The following ZNF121 variants were observed in gnomAD, a reference collection of about 807,000 sequenced individuals.
The protein encoded by ZNF121 is zinc finger protein 121.
ZNF121 carries 1 observed loss-of-function variant against 2.4 expected under a neutral mutation model. The observed-to-expected ratio is 0.41, with a 90% CI of 0.15 to 1.94. The LOEUF (loss-of-function observed/expected upper bound fraction) is 1.94, where lower values mean the gene tolerates loss of function less well. Ranked by LOEUF, ZNF121 falls within the 30% of genes most tolerant of loss-of-function variation. ZNF121 has a pLI of 0.30. For missense variants in ZNF121, 369 were observed against 466.3 expected (o/e 0.79, Z 1.92); for synonymous variants, 173 against 158.6 (o/e 1.09, Z -0.68).
At position 9,565,653 on chromosome 19, in the gene ZNF121, C is replaced by G. The variant is rs1050416495; in HGVS notation, c.*287G>C. On this transcript the variant is annotated 3_prime_UTR_variant, in exon 4 of 4. Transcript: ENST00000320451. Reference sequence around the variant, plus strand: ...TGCACTCCAGCCTGTGTGATGACAACAGCAAAACTCTGTCTCAAATAAAAT... The same window carrying G: ...TGCACTCCAGCCTGTGTGATGACAAGAGCAAAACTCTGTCTCAAATAAAAT... 6.6e-6 allele frequency: 1 copy of G among 150,798 alleles called. No homozygotes were observed. The highest frequency in any genetic ancestry group is 1.4e-5 in the Non-Finnish European group (1 of 69,132). The allele number at this position is 150,798 out of a possible 1,614,324, so 9.3% of individuals were successfully genotyped here. A position where few individuals can be genotyped will look rare whatever the true frequency, so the allele number is the denominator to read the frequency against.
At chr19:9,575,867 A>G (rs147069729) in intron 1 of ZNF121, among the ~76,000 whole-genome samples, 1 of 151,516 alleles carries the variant, frequency 6.6e-6, no homozygotes, top group Non-Finnish European at 1.5e-5. Flanking sequence ...GCAAACATTA[A>G]TAAATCTAAA....
chr19:9,566,097 G>A lies in ZNF121; in HGVS notation c.1016C>T (p.Pro339Leu). The part of the protein sequence containing the change: ...EHIRTHTGEK[P>L]YICKECGKTF... ...TTTCCCACATTCCTTACATATATAC[G>A]GTTTCTCTCCAGTGTGAGTTCTTAT... Residue 339 changes from proline to leucine, a missense_variant, in exon 4 of 4, where the codon CCG (proline) becomes CTG (leucine). This residue lies in a region of ZNF121 where 127 missense variants were observed against 169.9 expected (regional missense o/e 0.75). Transcript: ENST00000320451. 1 of 1,613,926 alleles carries A rather than the reference G, an allele frequency of 6.2e-7. No individual in the cohort carries two copies. The highest frequency in any genetic ancestry group is 8.5e-7 in the Non-Finnish European group (1 of 1,179,968).
At position 9,565,081 on chromosome 19, in the gene ZNF121, CA is replaced by C. The variant is rs2074120478; in HGVS notation, c.*858del. ...ACCTAACTTATATGCACTGGGAAAC[CA>C]AAACATTTGTATGATTCATGTTATT... On this transcript the variant is annotated 3_prime_UTR_variant, in exon 4 of 4. Transcript: ENST00000320451. 1 of 152,112 alleles carries C rather than the reference CA, an allele frequency of 6.6e-6. No homozygotes were observed. The highest frequency in any genetic ancestry group is 1.9e-4 in the East Asian group (1 of 5,162). 9.4% of individuals were successfully genotyped at this position (152,112 alleles called of 1,614,324 possible).
intron 1 of ZNF121, among the ~76,000 whole-genome samples, chr19:9,572,486 G>A (rs774858542): frequency 4.6e-5 from 7 of 152,166 alleles, no homozygotes; most frequent in African/African-American, 1.2e-4. Context: ...AAAGATGGGA[G>A]GCAGGACTAC....
Position 9,566,777 on chromosome 19 carries a change from T to C in ZNF121, c.336A>G (p.Gly112=), listed in dbSNP as rs1476082250. 3 of 1,614,094 alleles carry C rather than the reference T, an allele frequency of 1.9e-6. No homozygotes were observed. The highest frequency in any genetic ancestry group is 2.5e-6 in the Non-Finnish European group (3 of 1,180,044). Residue 112 remains glycine, a synonymous_variant, in exon 4 of 4, where the codon GGA becomes GGG. Transcript: ENST00000320451. The stretch of plus-strand genomic sequence containing the variant: ...ATTGCTTCTGTTCATAGAGTGTTTC[T>C]CCATTGTGAGTTATCCTATTTGCCT... ...HLQANRITHN[G]ETLYEQKQCG...
chr19:9,571,667 A>G (rs1256671309), intron 1 of ZNF121, among the ~76,000 whole-genome samples: 5 of 152,194 alleles, frequency 3.3e-5, no homozygotes, highest in African/African-American at 9.7e-5. Flanking sequence ...CCCCAGAGAA[A>G]ATGACATTCC....
intron 1 of ZNF121, among the ~76,000 whole-genome samples, chr19:9,580,579 G>A (rs1327738119): frequency 1.3e-5 from 2 of 152,100 alleles, no homozygotes; most frequent in Non-Finnish European, 2.9e-5. Flanking sequence ...TTGAATTTTG[G>A]AGGCAACATA....
chr19:9,574,407 G>C (rs2074196136), intron 1 of ZNF121, among the ~76,000 whole-genome samples: 1 of 152,022 alleles, frequency 6.6e-6, no homozygotes. Context: ...GCCCGCCTTG[G>C]CCTCCCAAAG....
rs114572488 is a variant in ZNF121, at chr19:9,571,762, A to C, written c.-159-2680T>G. 5.8e-3 allele frequency among the ~76,000 whole-genome samples: 878 copies of C among 152,196 alleles called. 11 individuals are homozygous for C. The highest frequency in any genetic ancestry group is 0.02 in the African/African-American group (846 of 41,524). On this transcript the variant is annotated intron_variant, in intron 1 of 3. Transcript: ENST00000320451. Reference sequence around the variant, plus strand: ...AGGAAGTAGAAAACACATTTTTAAAAATTAGAGACAGGGTCTTACTCTGTC... The same window carrying C: ...AGGAAGTAGAAAACACATTTTTAAACATTAGAGACAGGGTCTTACTCTGTC...
chr19:9,567,181 C>A, intron 3 of ZNF121, 72 bp from the exon 4 acceptor site: 1 of 1,345,444 alleles, frequency 7.4e-7, no homozygotes, highest in Non-Finnish European at 1.0e-6. Context: ...CATCTGAAAT[C>A]AGACAGTTTA....
At chr19:9,581,363 T>A (rs2074247200) in intron 1 of ZNF121, among the ~76,000 whole-genome samples, 1 of 147,580 alleles carries the variant, frequency 6.8e-6, no homozygotes, top group Admixed American at 6.7e-5. Flanking sequence ...CTAATCCCGG[T>A]TGGTGAAACA....
intron 1 of ZNF121, among the ~76,000 whole-genome samples, chr19:9,583,716 G>A (rs990933763): frequency 6.6e-6 from 1 of 151,970 alleles, no homozygotes; most frequent in Non-Finnish European, 1.5e-5. Context: ...TGTTGGCCAG[G>A]CTGGTCTCGA....
intron 3 of ZNF121, among the ~76,000 whole-genome samples, chr19:9,567,415 G>C (rs990762373): frequency 5.3e-4 from 81 of 152,192 alleles, no homozygotes; most frequent in African/African-American, 1.9e-3. Context: ...TTTTAAGATA[G>C]GATTAAGGTA....
chr19:9,568,778 CATT>C (rs2074152647), intron 2 of ZNF121, among the ~76,000 whole-genome samples: 1 of 152,008 alleles, frequency 6.6e-6, no homozygotes, highest in African/African-American at 2.4e-5. Flanking sequence ...AAAGAGCACA[CATT>C]AAAGTCATAA....
At position 9,565,767 on chromosome 19, in the gene ZNF121, G is replaced by A. The variant is rs528045169; in HGVS notation, c.*173C>T. 9 of 424,106 alleles carry A rather than the reference G, an allele frequency of 2.1e-5. No individual in the cohort carries two copies. Among genetic ancestry groups the A allele is most frequent in the African/African-American group, 1.4e-4 (7 of 49,400 alleles). 26.3% of individuals were successfully genotyped at this position (424,106 alleles called of 1,614,324 possible). A position where few individuals can be genotyped will look rare whatever the true frequency, so the allele number is the denominator to read the frequency against. On this transcript the variant is annotated 3_prime_UTR_variant, in exon 4 of 4. Transcript: ENST00000320451. Reference sequence around the variant, plus strand: ...CCCTAACATTCCTAAAATTTATAGGGGACACATAGAGTATGAGTTCTTTCA... The same window carrying A: ...CCCTAACATTCCTAAAATTTATAGGAGACACATAGAGTATGAGTTCTTTCA...
chr19:9,568,436 C>T (rs985390947), intron 2 of ZNF121, among the ~76,000 whole-genome samples: 5 of 151,656 alleles, frequency 3.3e-5, no homozygotes, highest in African/African-American at 4.8e-5. Flanking sequence ...AGTGCAGTGG[C>T]ATGATCTCGG....
Position 9,567,102 on chromosome 19 carries a change from A to C in ZNF121, c.11T>G (p.Ile4Ser). 2 of 1,605,856 alleles carry C rather than the reference A, an allele frequency of 1.2e-6. No individual in the cohort carries two copies. The highest frequency in any genetic ancestry group is 1.7e-6 in the Non-Finnish European group (2 of 1,175,842). Residue 4 changes from isoleucine to serine, a missense_variant, in exon 4 of 4, where the codon ATC (isoleucine) becomes AGC (serine). By Grantham distance (142) the Ile-to-Ser change is moderately radical. Transcript: ENST00000320451. ...GTCACAGAGTTCCCCTCCATTGTGG[A>C]TTTCTGCCTGTTAATAAAGGGATGA... MAE[I>S]HNGGELCDFM...
At chr19:9,573,985 T>C (rs570763860) in intron 1 of ZNF121, among the ~76,000 whole-genome samples, 7 of 151,438 alleles carry the variant, frequency 4.6e-5, no homozygotes, top group Admixed American at 1.3e-4. Flanking sequence ...TAACTGTTAC[T>C]ACAAATGTGC....
Position 9,566,216 on chromosome 19 carries a change from T to C in ZNF121, c.897A>G (p.Leu299=). 5 of 1,613,926 alleles carry C rather than the reference T, an allele frequency of 3.1e-6. No individual in the cohort carries two copies. Residue 299 remains leucine, a synonymous_variant, in exon 4 of 4, where the codon TTA becomes TTG. Coordinates refer to ENST00000320451, the MANE Select transcript of ZNF121 (RefSeq NM_001008727.5). ...CAGTATGGATTTTTACATGATTATG[T>C]AAGCTTGAGGAAACAGTGAATGCTT... The part of the protein sequence containing the change: ...CGKAFTVSSS[L]HNHVKIHTGE...
Sources: gnomAD v4.1 joint callset for allele counts (sites outside exome capture counted in the v4.1 genomes callset) on GRCh38, gnomAD v4.1.1 for gene constraint, gnomAD v4.1.1 regional missense constraint, MANE v1.5 for transcripts, NCBI Gene and HGNC (gene_info 2026-07-23, HGNC 2026-07-21) for gene names.